Variants in EPSTI1 observed in about 807,000 individuals in gnomAD.
EPSTI1 encodes epithelial-stromal interaction protein 1.
A neutral mutation model predicts 49.9 loss-of-function variants in EPSTI1; 66 were observed. That is an observed-to-expected ratio of 1.32 (90% CI 1.08 to 1.62). EPSTI1 has a LOEUF of 1.62. Ranked by LOEUF, EPSTI1 falls within the 40% of genes most tolerant of loss-of-function variation. The pLI, the probability that EPSTI1 is intolerant of heterozygous loss-of-function variation, is 0.00. For missense variants in EPSTI1, 394 were observed against 365.5 expected (o/e 1.08, Z -0.64); for synonymous variants, 137 against 130.7 (o/e 1.05, Z -0.33).
intron 6 of EPSTI1, among the ~76,000 whole-genome samples, chr13:42,944,607 G>A (rs1030662289): frequency 5.9e-5 from 9 of 152,244 alleles, no homozygotes; most frequent in East Asian, 1.9e-4. Context: ...ACCGTGGCAC[G>A]TGTATACCTA....
intron 6 of EPSTI1, among the ~76,000 whole-genome samples, chr13:42,947,440 AG>A (rs2153427129): frequency 6.6e-6 from 1 of 152,286 alleles, no homozygotes; most frequent in South Asian, 2.1e-4. Context: ...CCTCCTTCTC[AG>A]GTCTTCCACC....
chr13:42,976,616 T>A (rs1439240689), intron 1 of EPSTI1, among the ~76,000 whole-genome samples: 1 of 152,182 alleles, frequency 6.6e-6, no homozygotes, highest in African/African-American at 2.4e-5. Flanking sequence ...TATGTTTCTG[T>A]CTCAAGCCTT....
intron 5 of EPSTI1, among the ~76,000 whole-genome samples, chr13:42,961,789 G>A (rs1357325211): frequency 6.6e-6 from 1 of 152,230 alleles, no homozygotes; most frequent in Non-Finnish European, 1.5e-5. Flanking sequence ...CCAGAGACAA[G>A]GCTAGAGGCT....
intron 8 of EPSTI1, among the ~76,000 whole-genome samples, chr13:42,912,381 A>G (rs1374354833): frequency 1.3e-5 from 2 of 152,208 alleles, no homozygotes; most frequent in Non-Finnish European, 2.9e-5. Context: ...CCATAAGGTA[A>G]GAAGTGAATG....
intron 8 of EPSTI1, among the ~76,000 whole-genome samples, chr13:42,906,134 G>A (rs957276815): frequency 6.6e-6 from 1 of 152,166 alleles, no homozygotes; most frequent in South Asian, 2.1e-4. Context: ...GGAGCTGCAG[G>A]ATGGCACCAA....
chr13:42,915,742 G>T (rs1380135061), intron 8 of EPSTI1, among the ~76,000 whole-genome samples: 1 of 152,004 alleles, frequency 6.6e-6, no homozygotes, highest in South Asian at 2.1e-4. Flanking sequence ...TATGTAAAAG[G>T]ATATATAATA....
intron 1 of EPSTI1, among the ~76,000 whole-genome samples, chr13:42,977,708 C>A (rs1253819773): frequency 6.6e-6 from 1 of 152,218 alleles, no homozygotes. Context: ...CAACTTCAAA[C>A]CCTAATTCTG....
At chr13:42,934,734 G>T in intron 6 of EPSTI1, 1 of 180,766 alleles carries the variant, frequency 5.5e-6, no homozygotes, top group South Asian at 1.4e-4. Flanking sequence ...GTACAGAGGT[G>T]ACTGGGCCCC....
intron 1 of EPSTI1, among the ~76,000 whole-genome samples, chr13:42,984,951 G>A (rs527358475): frequency 5.3e-5 from 8 of 152,328 alleles, no homozygotes; most frequent in African/African-American, 1.9e-4. Context: ...TAAGTGTTGA[G>A]GTTGCAGTAG....
At chr13:42,943,833 AC>A (rs1225779614) in intron 6 of EPSTI1, among the ~76,000 whole-genome samples, 1 of 152,258 alleles carries the variant, frequency 6.6e-6, no homozygotes, top group East Asian at 1.9e-4. Context: ...CCAGAAAAAA[AC>A]AACCTCATCA....
At chr13:42,980,818 T>G (rs1406687009) in intron 1 of EPSTI1, among the ~76,000 whole-genome samples, 14 of 152,246 alleles carry the variant, frequency 9.2e-5, no homozygotes, top group Non-Finnish European at 7.3e-5. Context: ...CAGGGGACTT[T>G]CACATTCTGT....
At chr13:42,927,327 G>C (rs1032678664) in intron 6 of EPSTI1, among the ~76,000 whole-genome samples, 1 of 152,040 alleles carries the variant, frequency 6.6e-6, no homozygotes, top group Non-Finnish European at 1.5e-5. Context: ...CTACGCCTTT[G>C]TCCTTTTCTC....
chr13:42,895,613 T>G (rs1269500443), intron 9 of EPSTI1, among the ~76,000 whole-genome samples: 1 of 152,252 alleles, frequency 6.6e-6, no homozygotes, highest in East Asian at 1.9e-4. Flanking sequence ...TGAGCTTATA[T>G]TATTCTATTT....
At chr13:42,894,703 G>GT (rs2037138490) in intron 10 of EPSTI1, among the ~76,000 whole-genome samples, 2 of 130,184 alleles carry the variant, frequency 1.5e-5, no homozygotes, top group South Asian at 2.5e-4. Context: ...ACGTTCATTT[G>GT]TTTTTTTGTA....
At chr13:42,949,199 G>A (rs932310516) in intron 6 of EPSTI1, among the ~76,000 whole-genome samples, 1 of 152,162 alleles carries the variant, frequency 6.6e-6, no homozygotes, top group African/African-American at 2.4e-5. Context: ...TGTCTTTTGT[G>A]GGGAAAATTT....
At chr13:42,950,236 TCA>T (rs2039054105) in intron 6 of EPSTI1, among the ~76,000 whole-genome samples, 1 of 152,216 alleles carries the variant, frequency 6.6e-6, no homozygotes, top group Admixed American at 6.5e-5. Context: ...ATTGAAACAG[TCA>T]CAGTCATTCA....
At chr13:42,930,941 T>C (rs2038342857) in intron 6 of EPSTI1, among the ~76,000 whole-genome samples, 1 of 152,218 alleles carries the variant, frequency 6.6e-6, no homozygotes, top group Admixed American at 6.5e-5. Context: ...TAAAATGTGT[T>C]TCTCTGCTTC....
At chr13:42,973,651 C>G (rs1459670901) in intron 1 of EPSTI1, among the ~76,000 whole-genome samples, 1 of 152,184 alleles carries the variant, frequency 6.6e-6, no homozygotes, top group Non-Finnish European at 1.5e-5. Context: ...TTAGCTTTCT[C>G]TTGACATGAA....
chr13:42,969,418 T>C, intron 2 of EPSTI1: 1 of 468,060 alleles, frequency 2.1e-6, no homozygotes. Flanking sequence ...AAAAACCACC[T>C]GGGCTCCTAC....
Sources: allele counts gnomAD v4.1 joint callset (sites outside exome capture counted in the v4.1 genomes callset), GRCh38; gene constraint gnomAD v4.1.1; transcripts MANE v1.5; gene names NCBI Gene and HGNC (gene_info 2026-07-23, HGNC 2026-07-21).